HDAC9: variants seen among roughly 807,000 people sequenced by gnomAD.
HDAC9 encodes the protein histone deacetylase 9.
Under a neutral mutation model 139.4 loss-of-function variants are expected in HDAC9, and 41 were observed. The ratio of observed to expected loss-of-function variants is 0.29; its 90% CI spans 0.23 to 0.38. HDAC9 has a LOEUF of 0.38. Ranked by LOEUF, HDAC9 falls within the 10% of genes least tolerant of loss-of-function variation. The pLI is 1.00. For synonymous variants in HDAC9, 517 were observed against 476.2 expected (o/e 1.09, Z -1.12); for missense variants, 1,147 against 1,297.0 (o/e 0.88, Z 1.78).
chr7:18,189,180 C>T (rs1444649673), intron 2 of HDAC9, among the ~76,000 whole-genome samples: 1 of 152,138 alleles, frequency 6.6e-6, no homozygotes, highest in East Asian at 1.9e-4. Context: ...GGAATGAGAT[C>T]ATGTCCTTTG....
intron 14 of HDAC9, among the ~76,000 whole-genome samples, chr7:18,750,143 A>G (rs1458931466): frequency 6.6e-6 from 1 of 152,208 alleles, no homozygotes; most frequent in Admixed American, 6.5e-5. Context: ...TTGCCTACGT[A>G]TGATAGTGTG....
chr7:18,287,455 A>G (rs1661792546), upstream of HDAC9, among the ~76,000 whole-genome samples: 1 of 152,182 alleles, frequency 6.6e-6, no homozygotes, highest in Non-Finnish European at 1.5e-5. Context: ...GCAACCAGTA[A>G]TCATGTTAGC....
At chr7:18,621,694 G>A (rs1450611135) in intron 6 of HDAC9, among the ~76,000 whole-genome samples, 1 of 152,042 alleles carries the variant, frequency 6.6e-6, no homozygotes, top group Non-Finnish European at 1.5e-5. Context: ...TTGCTCCTTA[G>A]TGTCAAAATA....
chr7:18,891,462 C>T (rs1360436593), intron 22 of HDAC9, among the ~76,000 whole-genome samples: 1 of 152,164 alleles, frequency 6.6e-6, no homozygotes, highest in African/African-American at 2.4e-5. Flanking sequence ...CTCCAGGGGA[C>T]TATTTGGCAC....
At chr7:18,752,760 G>T (rs1788557509) in intron 14 of HDAC9, among the ~76,000 whole-genome samples, 1 of 152,164 alleles carries the variant, frequency 6.6e-6, no homozygotes, top group African/African-American at 2.4e-5. Context: ...AGCCAGGTCA[G>T]TGCATTGTTT....
chr7:18,875,930 A>C (rs1419631287), intron 22 of HDAC9, among the ~76,000 whole-genome samples: 2 of 152,182 alleles, frequency 1.3e-5, no homozygotes, highest in East Asian at 1.9e-4. Context: ...AGAAAGAAGG[A>C]ACTCTGGAAA....
chr7:18,487,173 G>A (rs532415658), intron 1 of HDAC9, among the ~76,000 whole-genome samples: 1 of 152,100 alleles, frequency 6.6e-6, no homozygotes, highest in East Asian at 1.9e-4. Context: ...GCATTGAAAA[G>A]TTGAAAATAA....
intron 12 of HDAC9, among the ~76,000 whole-genome samples, chr7:18,678,769 A>G (rs75710162): frequency 0.039 from 5,969 of 151,950 alleles, 377 homozygotes; most frequent in African/African-American, 0.13. Context: ...TTTCTCTTGA[A>G]TATGGTTCAT....
intron 15 of HDAC9, among the ~76,000 whole-genome samples, chr7:18,764,042 T>C (rs1584995813): frequency 6.6e-6 from 1 of 152,240 alleles, no homozygotes; most frequent in East Asian, 1.9e-4. Context: ...CATGGCGATG[T>C]TTTTTTAAAA....
chr7:18,801,639 T>A (rs76723904), intron 17 of HDAC9, among the ~76,000 whole-genome samples: 1,624 of 152,164 alleles, frequency 0.011, 16 homozygotes, highest in Non-Finnish European at 0.018. Context: ...AGAGTAATAG[T>A]TCGGTAAAAA....
At chr7:18,990,062 T>G (rs1164177534) in intron 25 of HDAC9, among the ~76,000 whole-genome samples, 1 of 152,202 alleles carries the variant, frequency 6.6e-6, no homozygotes, top group Non-Finnish European at 1.5e-5. Flanking sequence ...CTCATCAAAG[T>G]CATTCTCCGT....
intron 21 of HDAC9, among the ~76,000 whole-genome samples, chr7:18,864,655 T>C (rs1008232302): frequency 2.0e-5 from 3 of 147,576 alleles, no homozygotes; most frequent in Admixed American, 6.8e-5. Flanking sequence ...GGATTGGGAG[T>C]AAACAAATAT....
intron 1 of HDAC9, among the ~76,000 whole-genome samples, chr7:18,158,971 G>T (rs111465387): frequency 3.9e-5 from 6 of 152,322 alleles, no homozygotes; most frequent in African/African-American, 1.4e-4. Flanking sequence ...AGTCAGAGAT[G>T]ATCTTTTTGA....
At chr7:18,218,884 G>A (rs1295009070) in intron 2 of HDAC9, among the ~76,000 whole-genome samples, 2 of 152,070 alleles carry the variant, frequency 1.3e-5, no homozygotes, top group Non-Finnish European at 2.9e-5. Flanking sequence ...AAATCCTTGA[G>A]CACATCTCCT....
intron 1 of HDAC9, among the ~76,000 whole-genome samples, chr7:18,488,654 C>T (rs974502596): frequency 6.6e-6 from 1 of 151,992 alleles, no homozygotes; most frequent in African/African-American, 2.4e-5. Context: ...TCTGGAAGCT[C>T]TGTCATGACT....
chr7:18,127,477 A>G (rs549631603), intron 1 of HDAC9, among the ~76,000 whole-genome samples: 165 of 152,114 alleles, frequency 1.1e-3, no homozygotes, highest in African/African-American at 3.6e-3. Flanking sequence ...GCTTTGGCTT[A>G]TTAACCCCAT....
upstream of HDAC9, among the ~76,000 whole-genome samples, chr7:18,493,985 T>C (rs1796560062): frequency 6.6e-6 from 1 of 152,000 alleles, no homozygotes; most frequent in African/African-American, 2.4e-5. Context: ...TAGTTACTAC[T>C]TCAGTACATC....
chr7:18,304,266 T>C (rs572984980), intron 1 of HDAC9, among the ~76,000 whole-genome samples: 1 of 152,318 alleles, frequency 6.6e-6, no homozygotes, highest in African/African-American at 2.4e-5. Context: ...TATCTGGATT[T>C]TATGGATGGG....
chr7:18,450,593 A>G (rs566708142), intron 1 of HDAC9, among the ~76,000 whole-genome samples: 1 of 152,318 alleles, frequency 6.6e-6, no homozygotes, highest in East Asian at 1.9e-4. Context: ...TCTCTTAGCC[A>G]CATGTGAACA....
Sources: gnomAD v4.1 joint callset for allele counts (sites outside exome capture counted in the v4.1 genomes callset) on GRCh38, gnomAD v4.1.1 for gene constraint, MANE v1.5 for transcripts, NCBI Gene and HGNC (gene_info 2026-07-23, HGNC 2026-07-21) for gene names.